The following PICALM variants were observed in gnomAD, a reference collection of about 807,000 sequenced individuals.
PICALM encodes the protein phosphatidylinositol binding clathrin assembly protein.
PICALM carries 40 observed loss-of-function variants against 80.5 expected under a neutral mutation model. The ratio of observed to expected loss-of-function variants is 0.50; its 90% CI spans 0.39 to 0.65. The LOEUF (loss-of-function observed/expected upper bound fraction) is 0.65. Among genes scored for constraint, PICALM ranks in the 30% least tolerant of loss-of-function variants. PICALM has a pLI of 0.00. For synonymous variants in PICALM, 288 were observed against 260.3 expected (o/e 1.11, Z -1.02); for missense variants, 676 against 778.9 (o/e 0.87, Z 1.57).
chr11:86,040,490 C>A (rs974778436), intron 1 of PICALM, among the ~76,000 whole-genome samples: 1 of 152,140 alleles, frequency 6.6e-6, no homozygotes, highest in Non-Finnish European at 1.5e-5. Flanking sequence ...AGATGTGAGC[C>A]ACCGCACTCA....
intron 14 of PICALM, among the ~76,000 whole-genome samples, chr11:85,983,046 AT>A (rs1293812381): frequency 4.6e-5 from 7 of 152,226 alleles, no homozygotes; most frequent in African/African-American, 1.4e-4. Context: ...CAGCAAAAAA[AT>A]ATTATCATAA....
At chr11:86,026,914 A>T (rs1201430049) in intron 2 of PICALM, among the ~76,000 whole-genome samples, 1 of 152,204 alleles carries the variant, frequency 6.6e-6, no homozygotes, top group Non-Finnish European at 1.5e-5. Flanking sequence ...CTTTTCTGAA[A>T]CAGGTATACG....
intron 1 of PICALM, among the ~76,000 whole-genome samples, chr11:86,065,421 G>A (rs1279295860): frequency 1.3e-5 from 2 of 151,088 alleles, no homozygotes; most frequent in African/African-American, 2.4e-5. Context: ...CCAGCCTGGC[G>A]ACAGAGCGAG....
chr11:86,031,428 T>A, intron 2 of PICALM, 41 bp downstream of exon 2: 1 of 1,516,720 alleles, frequency 6.6e-7, no homozygotes, highest in Middle Eastern at 1.9e-4. Context: ...TAACAATAAG[T>A]CAACACATCA....
chr11:85,962,923 A>C (rs1398561809), intron 19 of PICALM, among the ~76,000 whole-genome samples: 1 of 152,204 alleles, frequency 6.6e-6, no homozygotes, highest in Non-Finnish European at 1.5e-5. Flanking sequence ...TGCACTGGTG[A>C]GAAAGTAGTC....
Position 86,031,571 on chromosome 11 carries a change from T to C in PICALM, c.171A>G (p.Pro57=), listed in dbSNP as rs151105998. 26 of 1,612,224 alleles carry C rather than the reference T, an allele frequency of 1.6e-5. No individual in the cohort carries two copies. Among genetic ancestry groups the C allele is most frequent in the Non-Finnish European group, 2.0e-5 (23 of 1,179,354 alleles). The part of the protein sequence containing the change: ...QCTNEMNVNI[P]QLADSLFERT... ...TTTCAAATAAACTGTCTGCCAACTG[T>C]GGGATGTTCACATTCATCTCATTTG... Residue 57 remains proline (P), a synonymous_variant, in exon 2 of 20, where the codon CCA becomes CCG. Transcript: ENST00000393346.
intron 17 of PICALM, among the ~76,000 whole-genome samples, chr11:85,979,321 C>A (rs545615887): frequency 6.6e-6 from 1 of 152,026 alleles, no homozygotes; most frequent in Non-Finnish European, 1.5e-5. Context: ...AAAACCCAGT[C>A]TCTACTAAAA....
At chr11:85,981,257 A>C in intron 16 of PICALM, 29 bp from the exon 17 acceptor site, 1 of 1,166,226 alleles carries the variant, frequency 8.6e-7, no homozygotes. Flanking sequence ...GAGAATATTA[A>C]ATGTCTCTAA....
intron 1 of PICALM, among the ~76,000 whole-genome samples, chr11:86,060,842 G>A (rs1450970365): frequency 6.6e-6 from 1 of 151,958 alleles, no homozygotes; most frequent in Non-Finnish European, 1.5e-5. Flanking sequence ...GCTCCCAAAT[G>A]GTGACATAGA....
chr11:85,987,893 G>T (rs1164129385), intron 13 of PICALM, among the ~76,000 whole-genome samples: 1 of 152,226 alleles, frequency 6.6e-6, no homozygotes, highest in African/African-American at 2.4e-5. Context: ...ATCCCAACTT[G>T]CATAGCCTTA....
chr11:86,056,144 A>G (rs535643098), intron 1 of PICALM, among the ~76,000 whole-genome samples: 1 of 118,946 alleles, frequency 8.4e-6, no homozygotes, highest in African/African-American at 2.8e-5. Context: ...TTAAAAAAAA[A>G]AAAAAAGAAA....
chr11:86,016,089 G>A (rs1278925543), intron 4 of PICALM, among the ~76,000 whole-genome samples: 2 of 152,196 alleles, frequency 1.3e-5, no homozygotes, highest in Admixed American at 6.5e-5. Context: ...TGGAGCTTGG[G>A]CTGAGGACAC....
chr11:86,066,202 G>A (rs1000767473), intron 1 of PICALM, among the ~76,000 whole-genome samples: 3 of 152,152 alleles, frequency 2.0e-5, no homozygotes, highest in African/African-American at 7.2e-5. Flanking sequence ...TGCAAGGAAG[G>A]TATTTGTTTA....
At chr11:86,041,510 G>A (rs934986435) in intron 1 of PICALM, among the ~76,000 whole-genome samples, 1 of 151,812 alleles carries the variant, frequency 6.6e-6, no homozygotes, top group Non-Finnish European at 1.5e-5. Flanking sequence ...TGTGGCAGAG[G>A]AAAGATGAGG....
At chr11:86,012,431 G>T in intron 5 of PICALM, 39 bp from the exon 6 acceptor site, 1 of 1,115,286 alleles carries the variant, frequency 9.0e-7, no homozygotes, top group Non-Finnish European at 1.4e-6. Context: ...CTAATCTTAG[G>T]TTTTAAATGA....
intron 1 of PICALM, among the ~76,000 whole-genome samples, chr11:86,066,881 G>GT (rs755983602): frequency 1.3e-5 from 2 of 152,122 alleles, no homozygotes; most frequent in Non-Finnish European, 2.9e-5. Context: ...TCTACTACAC[G>GT]TATCAGATAA....
chr11:85,989,357 T>TTA (rs1225258069), intron 13 of PICALM, among the ~76,000 whole-genome samples: 1 of 152,202 alleles, frequency 6.6e-6, no homozygotes, highest in African/African-American at 2.4e-5. Context: ...TTCCTCTCAC[T>TTA]TATATATATC....
At chr11:85,959,340 C>T (rs1245562347) in intron 19 of PICALM, among the ~76,000 whole-genome samples, 1 of 74,648 alleles carries the variant, frequency 1.3e-5, no homozygotes, top group Non-Finnish European at 2.7e-5. Context: ...ATGATCAAAG[C>T]TCAATGGCTG....
chr11:86,008,888 T>C (rs1592849970), intron 7 of PICALM, among the ~76,000 whole-genome samples: 2 of 143,162 alleles, frequency 1.4e-5, no homozygotes, highest in Non-Finnish European at 3.0e-5. Context: ...AGCCCAGGAG[T>C]TTGAGACCTG....
Sources: gnomAD v4.1 joint callset for allele counts (sites outside exome capture counted in the v4.1 genomes callset) on GRCh38, gnomAD v4.1.1 for gene constraint, MANE v1.5 for transcripts, NCBI Gene and HGNC (gene_info 2026-07-23, HGNC 2026-07-21) for gene names.